The following PTPRT variants were observed in gnomAD, a reference collection of about 807,000 sequenced individuals.
PTPRT encodes receptor-type tyrosine-protein phosphatase T.
PTPRT carries 56 observed loss-of-function variants against 176.8 expected under a neutral mutation model. The ratio of observed to expected loss-of-function variants is 0.32; its 90% CI spans 0.26 to 0.40. The LOEUF (loss-of-function observed/expected upper bound fraction) is 0.40. Among genes scored for constraint, PTPRT ranks in the 10% least tolerant of loss-of-function variants. PTPRT has a pLI of 1.00. For missense variants in PTPRT, 1,540 were observed against 1,908.2 expected (o/e 0.81, Z 3.60); for synonymous variants, 783 against 739.0 (o/e 1.06, Z -0.96).
intron 1 of PTPRT, among the ~76,000 whole-genome samples, chr20:42,915,175 C>G (rs1053313748): frequency 6.6e-6 from 1 of 152,238 alleles, no homozygotes; most frequent in African/African-American, 2.4e-5. Context: ...CAGATTACAG[C>G]TTTTGCTATT....
chr20:42,718,520 G>C (rs1480720397), intron 6 of PTPRT, among the ~76,000 whole-genome samples: 1 of 152,134 alleles, frequency 6.6e-6, no homozygotes, highest in Non-Finnish European at 1.5e-5. Context: ...CTGGGAGACA[G>C]AGCAAGACTC....
intron 18 of PTPRT, among the ~76,000 whole-genome samples, chr20:42,140,487 A>G (rs773422085): frequency 6.6e-6 from 1 of 152,246 alleles, no homozygotes; most frequent in Non-Finnish European, 1.5e-5. Flanking sequence ...CCTATGCATG[A>G]CATTCAGTTC....
intron 7 of PTPRT, among the ~76,000 whole-genome samples, chr20:42,571,215 A>G (rs2073147617): frequency 6.6e-6 from 1 of 152,250 alleles, no homozygotes; most frequent in South Asian, 2.1e-4. Context: ...TGACAGGGAA[A>G]TAATAATTCC....
intron 3 of PTPRT, among the ~76,000 whole-genome samples, chr20:42,790,754 C>T (rs1471132752): frequency 6.6e-6 from 1 of 152,156 alleles, no homozygotes; most frequent in Non-Finnish European, 1.5e-5. Flanking sequence ...ATGTCATCTC[C>T]TCTTACAAAC....
intron 13 of PTPRT, among the ~76,000 whole-genome samples, chr20:42,259,420 G>T (rs2056707245): frequency 6.6e-6 from 1 of 152,072 alleles, no homozygotes; most frequent in Non-Finnish European, 1.5e-5. Flanking sequence ...CCCCTTCTAT[G>T]GCATATCCTT....
intron 6 of PTPRT, among the ~76,000 whole-genome samples, chr20:42,709,625 T>C (rs1410314399): frequency 6.6e-6 from 1 of 152,136 alleles, no homozygotes; most frequent in East Asian, 1.9e-4. Context: ...CAATGTAAAA[T>C]GGACTAACAC....
intron 1 of PTPRT, among the ~76,000 whole-genome samples, chr20:43,091,131 G>T (rs919614335): frequency 6.6e-6 from 1 of 152,130 alleles, no homozygotes. Context: ...TACTGGGGAG[G>T]CTGAGACAGG....
chr20:42,597,159 C>T (rs1334936084), intron 7 of PTPRT, among the ~76,000 whole-genome samples: 1 of 152,258 alleles, frequency 6.6e-6, no homozygotes, highest in South Asian at 2.1e-4. Flanking sequence ...CTTGCAGCTG[C>T]AGACTTTTTG....
At chr20:42,206,077 C>A (rs1247316092) in intron 15 of PTPRT, among the ~76,000 whole-genome samples, 3 of 152,166 alleles carry the variant, frequency 2.0e-5, no homozygotes, top group Non-Finnish European at 4.4e-5. Flanking sequence ...TGGACACCTG[C>A]TCCACATTCC....
At chr20:42,787,198 A>G (rs1476412819) in intron 3 of PTPRT, among the ~76,000 whole-genome samples, 2 of 152,220 alleles carry the variant, frequency 1.3e-5, no homozygotes, top group African/African-American at 2.4e-5. Context: ...GCCAGTATGC[A>G]TTCTGTAAAT....
intron 2 of PTPRT, among the ~76,000 whole-genome samples, chr20:42,881,723 T>TAA (rs2079013525): frequency 1.9e-5 from 1 of 52,370 alleles, no homozygotes; most frequent in African/African-American, 9.6e-5. Context: ...ACACTCTGTC[T>TAA]CAAAAAAAAA....
chr20:42,844,485 C>G (rs529974268), intron 2 of PTPRT, among the ~76,000 whole-genome samples: 1 of 152,082 alleles, frequency 6.6e-6, no homozygotes, highest in Admixed American at 6.5e-5. Context: ...TTTCCAGGAC[C>G]AGGATTTCAG....
intron 17 of PTPRT, among the ~76,000 whole-genome samples, chr20:42,159,512 A>G (rs1230600783): frequency 2.0e-5 from 3 of 152,064 alleles, no homozygotes; most frequent in African/African-American, 7.2e-5. Context: ...ATACACACAC[A>G]GAAAGCATGC....
rs6072889 is a variant in PTPRT at position 42,865,466 on chromosome 20, G to A, written c.214+20341C>T. On this transcript the variant is annotated intron_variant, in intron 2 of 30. Coordinates refer to ENST00000373187, the MANE Select transcript of PTPRT (RefSeq NM_007050.6). ...TTCAATATTCATTGAGGGCATTCTGGTGCCAGTTTTAGGAGCTGAGGACAC... is the reference window on the plus strand; with the variant it reads ...TTCAATATTCATTGAGGGCATTCTGATGCCAGTTTTAGGAGCTGAGGACAC... Among the ~76,000 whole-genome samples the A allele has an allele frequency of 2.7e-3, 415 of 152,308 alleles. 3 individuals are homozygous for A. Among genetic ancestry groups the A allele is most frequent in the Admixed American group, 6.6e-3 (101 of 15,300 alleles).
chr20:42,961,624 T>C (rs1981989459), intron 1 of PTPRT, among the ~76,000 whole-genome samples: 1 of 152,140 alleles, frequency 6.6e-6, no homozygotes, highest in Non-Finnish European at 1.5e-5. Context: ...CCAACTCAAC[T>C]GCCTTCTAAA....
chr20:42,128,838 G>C lies in PTPRT; in HGVS notation c.2771-8C>G, dbSNP rs561028715. The C allele has an allele frequency of 6.2e-7, 1 of 1,600,738 alleles. No individual in the cohort carries two copies. Among genetic ancestry groups the C allele is most frequent in the Middle Eastern group, 1.7e-4 (1 of 6,014 alleles). ...TCACCCGGGAATGGTCGTCTGCAGA[G>C]AGAGCAGAAATCAAGGGGATGGTTG... On this transcript the variant is annotated splice_polypyrimidine_tract_variant and splice_region_variant and intron_variant, in intron 18 of 30. Coordinates refer to ENST00000373187, the MANE Select transcript of PTPRT (RefSeq NM_007050.6).
At chr20:42,353,278 G>A (rs942828664) in intron 9 of PTPRT, among the ~76,000 whole-genome samples, 1 of 152,168 alleles carries the variant, frequency 6.6e-6, no homozygotes, top group Non-Finnish European at 1.5e-5. Flanking sequence ...GACAGATAGC[G>A]ATTGCTGACT....
the PTPRT span, among the ~76,000 whole-genome samples, chr20:42,037,607 T>C: frequency 1.3e-4 from 20 of 152,278 alleles, no homozygotes; most frequent in South Asian, 2.1e-3. Flanking sequence ...CAGTCGTTTC[T>C]ACTGGGAAAG....
chr20:42,658,551 AC>A (rs1306218213), intron 7 of PTPRT, among the ~76,000 whole-genome samples: 2 of 152,154 alleles, frequency 1.3e-5, no homozygotes, highest in African/African-American at 2.4e-5. Flanking sequence ...GCTACCTCTG[AC>A]CCCAGCTAGT....
Sources: gnomAD v4.1 joint callset for allele counts (sites outside exome capture counted in the v4.1 genomes callset) on GRCh38, gnomAD v4.1.1 for gene constraint, MANE v1.5 for transcripts, NCBI Gene and HGNC (gene_info 2026-07-23, HGNC 2026-07-21) for gene names.